LGR4: variants seen among roughly 807,000 people sequenced by gnomAD.
LGR4 encodes the protein leucine rich repeat containing G protein-coupled receptor 4, also known as leucine-rich repeat-containing G protein-coupled receptor 4.
LGR4 carries 44 observed loss-of-function variants against 84.8 expected under a neutral mutation model. The observed-to-expected ratio is 0.52, with a 90% CI of 0.41 to 0.67. The LOEUF (loss-of-function observed/expected upper bound fraction) is 0.67. Ranked by LOEUF, LGR4 falls within the 30% of genes least tolerant of loss-of-function variation. The probability of loss-of-function intolerance (pLI) is 0.00; values close to 1 mark genes in which losing one functional copy is unlikely to be tolerated. For synonymous variants in LGR4, 429 were observed against 434.3 expected (o/e 0.99, Z 0.15); for missense variants, 1,032 against 1,131.4 (o/e 0.91, Z 1.26).
In LGR4 at chr11:27,385,378, G is replaced by A; in HGVS notation, c.492C>T (p.Ser164=). Residue 164 remains serine, a synonymous_variant, in exon 5 of 18, where the codon AGC becomes AGT. Coordinates refer to ENST00000379214, the MANE Select transcript of LGR4 (RefSeq NM_018490.5). The part of the protein sequence containing the change: ...QLRHLWLDDN[S]LTEVPVHPLS... ...GGGGGTGCACAGGCACCTCCGTCAA[G>A]CTGTTGTCATCCAGCCACAGATGCC... The A allele has an allele frequency of 6.2e-7, 1 of 1,612,656 alleles. No homozygotes were observed. The highest frequency in any genetic ancestry group is 8.5e-7 in the Non-Finnish European group (1 of 1,179,516).
intron 2 of LGR4, among the ~76,000 whole-genome samples, chr11:27,408,386 G>C (rs1022279119): frequency 3.3e-5 from 5 of 152,112 alleles, no homozygotes; most frequent in African/African-American, 1.2e-4. Flanking sequence ...AATTATCCTA[G>C]TCATATAGTG....
chr11:27,435,062 G>A (rs940463107), intron 1 of LGR4, among the ~76,000 whole-genome samples: 7 of 152,164 alleles, frequency 4.6e-5, no homozygotes, highest in Non-Finnish European at 1.0e-4. Context: ...TTGGCCAGGT[G>A]CAGAGGCTCA....
At chr11:27,423,999 G>A (rs1863972096) in intron 1 of LGR4, among the ~76,000 whole-genome samples, 1 of 152,178 alleles carries the variant, frequency 6.6e-6, no homozygotes, top group Admixed American at 6.5e-5. Context: ...TCTGTCCAGA[G>A]AAAGATGACT....
intron 6 of LGR4, among the ~76,000 whole-genome samples, chr11:27,383,374 T>C (rs1863133638): frequency 6.6e-6 from 1 of 152,200 alleles, no homozygotes; most frequent in South Asian, 2.1e-4. Flanking sequence ...TTTAACATAA[T>C]TGAAATAGTG....
intron 6 of LGR4, among the ~76,000 whole-genome samples, chr11:27,382,494 C>A (rs1487416846): frequency 6.6e-6 from 1 of 152,102 alleles, no homozygotes; most frequent in Non-Finnish European, 1.5e-5. Flanking sequence ...AAGAAACTTA[C>A]AAGTTCAAAT....
intron 1 of LGR4, among the ~76,000 whole-genome samples, chr11:27,471,199 G>A (rs1864864937): frequency 6.6e-6 from 1 of 152,176 alleles, no homozygotes; most frequent in South Asian, 2.1e-4. Flanking sequence ...AACGTCTAAA[G>A]CTCTCAAGTC....
intron 1 of LGR4, among the ~76,000 whole-genome samples, chr11:27,413,069 A>T (rs188049313): frequency 6.6e-6 from 1 of 152,268 alleles, no homozygotes; most frequent in East Asian, 1.9e-4. Flanking sequence ...TAATTTAGAA[A>T]TGTACTCAGA....
rs149460156 is a variant in LGR4 at position 27,377,749 on chromosome 11, G to A, written c.1044-526C>T. 2.0e-5 allele frequency among the ~76,000 whole-genome samples: 3 copies of A among 152,140 alleles called. No homozygotes were observed. The East Asian group carries it at 5.8e-4, about 29-fold the overall frequency. On this transcript the variant is annotated intron_variant, in intron 11 of 17. Coordinates refer to ENST00000379214, the MANE Select transcript of LGR4 (RefSeq NM_018490.5). The stretch of plus-strand genomic sequence containing the variant: ...AAACACCAGAACTAGTTAACTTTCA[G>A]TCCCACTGCAGTTTTTCCTCAACAG...
chr11:27,452,193 G>C (rs904305985), intron 1 of LGR4, among the ~76,000 whole-genome samples: 1 of 152,134 alleles, frequency 6.6e-6, no homozygotes, highest in Non-Finnish European at 1.5e-5. Context: ...TTCTTTAAGG[G>C]GTAAGGCCAT....
intron 1 of LGR4, among the ~76,000 whole-genome samples, chr11:27,456,510 C>T (rs1380469496): frequency 6.6e-6 from 1 of 152,206 alleles, no homozygotes; most frequent in Non-Finnish European, 1.5e-5. Context: ...AACCATCATA[C>T]TGCACATTTT....
intron 1 of LGR4, among the ~76,000 whole-genome samples, chr11:27,439,919 T>TG (rs1864275641): frequency 6.7e-6 from 1 of 148,694 alleles, no homozygotes; most frequent in Non-Finnish European, 1.5e-5. Context: ...TTTTTTTTTT[T>TG]TTTTGAGACG....
intron 1 of LGR4, among the ~76,000 whole-genome samples, chr11:27,448,575 A>G (rs1032093466): frequency 2.0e-5 from 3 of 152,166 alleles, no homozygotes; most frequent in Non-Finnish European, 4.4e-5. Context: ...TACAGGCGTG[A>G]GCCACCGCGC....
intron 1 of LGR4, among the ~76,000 whole-genome samples, chr11:27,433,858 T>C (rs946873389): frequency 5.3e-5 from 8 of 152,206 alleles, no homozygotes; most frequent in Non-Finnish European, 8.8e-5. Context: ...ACTTTGGCCA[T>C]GTGACCTGAA....
intron 5 of LGR4, 127 bp from the exon 6 acceptor site, chr11:27,384,534 A>G: frequency 1.4e-6 from 1 of 694,700 alleles, no homozygotes. Flanking sequence ...CTAAACAGCT[A>G]AACAGTTTTC....
At chr11:27,423,039 A>G (rs1863951693) in intron 1 of LGR4, among the ~76,000 whole-genome samples, 2 of 152,320 alleles carry the variant, frequency 1.3e-5, no homozygotes, top group South Asian at 4.1e-4. Context: ...ATGTTTATAC[A>G]TAACCTGATA....
At chr11:27,404,972 A>C (rs1269733557) in intron 2 of LGR4, among the ~76,000 whole-genome samples, 1 of 152,182 alleles carries the variant, frequency 6.6e-6, no homozygotes, top group African/African-American at 2.4e-5. Flanking sequence ...TTCTATCTAC[A>C]TGCAACAATA....
intron 4 of LGR4, among the ~76,000 whole-genome samples, chr11:27,388,162 A>G (rs1183072138): frequency 2.0e-5 from 3 of 152,204 alleles, no homozygotes; most frequent in African/African-American, 7.2e-5. Context: ...CTCTTAAATA[A>G]GAGGTTAAAT....
intron 1 of LGR4, among the ~76,000 whole-genome samples, chr11:27,440,176 G>A (rs1346597790): frequency 2.0e-5 from 3 of 152,070 alleles, no homozygotes; most frequent in Non-Finnish European, 4.4e-5. Flanking sequence ...AAAGTACTGG[G>A]ATTACAGGCG....
At chr11:27,441,744 G>C (rs1159599451) in intron 1 of LGR4, among the ~76,000 whole-genome samples, 1 of 152,164 alleles carries the variant, frequency 6.6e-6, no homozygotes, top group Non-Finnish European at 1.5e-5. Flanking sequence ...AAGTGGAGTT[G>C]AGACAGGGCT....
Sources: allele counts gnomAD v4.1 joint callset (sites outside exome capture counted in the v4.1 genomes callset), GRCh38; gene constraint gnomAD v4.1.1; transcripts MANE v1.5; gene names NCBI Gene and HGNC (gene_info 2026-07-23, HGNC 2026-07-21).